Variants in FAM117B observed in about 807,000 individuals in gnomAD.
FAM117B encodes protein FAM117B.
In FAM117B, 22 loss-of-function variants were observed where a neutral mutation model predicts 52.8. The ratio of observed to expected loss-of-function variants is 0.42; its 90% CI spans 0.30 to 0.59. FAM117B has a LOEUF of 0.59. Ranked by LOEUF, FAM117B falls within the 20% of genes least tolerant of loss-of-function variation. FAM117B has a pLI of 0.22. For missense variants in FAM117B, 678 were observed against 802.6 expected (o/e 0.84, Z 1.88); for synonymous variants, 309 against 324.1 (o/e 0.95, Z 0.50).
chr2:202,714,228 A>G (rs1691001944), intron 2 of FAM117B, among the ~76,000 whole-genome samples: 1 of 152,190 alleles, frequency 6.6e-6, no homozygotes, highest in Non-Finnish European at 1.5e-5. Context: ...GTGACCTAAC[A>G]TAGTCTGTCC....
At chr2:202,715,209 T>C (rs1479028647) in intron 2 of FAM117B, among the ~76,000 whole-genome samples, 1 of 147,478 alleles carries the variant, frequency 6.8e-6, no homozygotes, top group Non-Finnish European at 1.5e-5. Flanking sequence ...GGGCGGGGGC[T>C]GACCCCACAC....
At chr2:202,702,164 G>T (rs1289042678) in intron 2 of FAM117B, among the ~76,000 whole-genome samples, 3 of 152,120 alleles carry the variant, frequency 2.0e-5, no homozygotes, top group Non-Finnish European at 2.9e-5. Flanking sequence ...AGGACGAGGT[G>T]GGCAGGTCAT....
intron 1 of FAM117B, among the ~76,000 whole-genome samples, chr2:202,674,181 C>T (rs1366044743): frequency 2.0e-5 from 3 of 152,158 alleles, no homozygotes; most frequent in South Asian, 4.1e-4. Flanking sequence ...ACTCTTAAAT[C>T]CATACTAATG....
At chr2:202,645,191 G>A (rs1689841023) in intron 1 of FAM117B, among the ~76,000 whole-genome samples, 2 of 151,846 alleles carry the variant, frequency 1.3e-5, no homozygotes, top group Non-Finnish European at 2.9e-5. Context: ...TGCCCAGGCT[G>A]GTCTGGAACT....
intron 1 of FAM117B, among the ~76,000 whole-genome samples, chr2:202,661,386 G>A (rs1255495413): frequency 6.6e-6 from 1 of 152,142 alleles, no homozygotes; most frequent in Non-Finnish European, 1.5e-5. Context: ...AACAATTATA[G>A]TAAAACTGTT....
chr2:202,721,494 C>T (rs1483025768), intron 2 of FAM117B, among the ~76,000 whole-genome samples: 2 of 151,984 alleles, frequency 1.3e-5, no homozygotes, highest in African/African-American at 4.8e-5. Context: ...AAATAAGTTA[C>T]GACTACTTGG....
chr2:202,740,200 A>AAAAAAAAAAAAC (rs1691509405), intron 4 of FAM117B, among the ~76,000 whole-genome samples: 1 of 147,568 alleles, frequency 6.8e-6, no homozygotes, highest in African/African-American at 2.5e-5. Flanking sequence ...AAAAAAAAAA[A>AAAAAAAAAAAAC]AATCCCCAAA....
intron 1 of FAM117B, among the ~76,000 whole-genome samples, chr2:202,668,229 ATATT>A (rs1559098163): frequency 2.1e-5 from 3 of 145,578 alleles, no homozygotes; most frequent in African/African-American, 7.5e-5. Flanking sequence ...AATATAATAT[ATATT>A]AATATTTATA....
At chr2:202,699,390 T>TTG (rs1690761397) in intron 2 of FAM117B, among the ~76,000 whole-genome samples, 1 of 112,240 alleles carries the variant, frequency 8.9e-6, no homozygotes, top group Non-Finnish European at 1.6e-5. Context: ...TCGTGCCACC[T>TTG]CACTCCAGCC....
chr2:202,703,271 C>T (rs1690822163), intron 2 of FAM117B, among the ~76,000 whole-genome samples: 1 of 152,186 alleles, frequency 6.6e-6, no homozygotes. Flanking sequence ...TGGAATCATA[C>T]AGTTTGTTTT....
chr2:202,681,832 A>G (rs1295609471), intron 1 of FAM117B, among the ~76,000 whole-genome samples: 1 of 152,246 alleles, frequency 6.6e-6, no homozygotes, highest in Non-Finnish European at 1.5e-5. Context: ...TCAAACTGAA[A>G]AAGCCTGGTA....
At chr2:202,648,204 T>C (rs1385485649) in intron 1 of FAM117B, among the ~76,000 whole-genome samples, 1 of 152,188 alleles carries the variant, frequency 6.6e-6, no homozygotes, top group Non-Finnish European at 1.5e-5. Context: ...CTATTCTATG[T>C]ATATTCAGAT....
chr2:202,765,158 A>G (rs560568591), intron 7 of FAM117B, among the ~76,000 whole-genome samples: 1 of 152,292 alleles, frequency 6.6e-6, no homozygotes, highest in East Asian at 1.9e-4. Flanking sequence ...TGCAGTGCTC[A>G]TCGGGCTGAG....
chr2:202,691,469 C>G (rs1170861085), intron 1 of FAM117B, among the ~76,000 whole-genome samples: 2 of 148,264 alleles, frequency 1.3e-5, no homozygotes, highest in Non-Finnish European at 3.0e-5. Flanking sequence ...CTTTGGCGGA[C>G]TGGTTGAAAA....
In FAM117B at chr2:202,750,256, A is replaced by T. The variant is rs1691702592; in HGVS notation, c.961-5282A>T. On this transcript the variant is annotated intron_variant, in intron 4 of 7. Transcript: ENST00000392238. ...GTGGGCACAGTGGCTCATGTTTGTA[A>T]TGTCAGCACTTTGAGAGGCTGAGGC... Among the ~76,000 whole-genome samples, 3 of 152,128 alleles carry T rather than the reference A, an allele frequency of 2.0e-5. No individual in the cohort carries two copies. The South Asian group carries it at 6.2e-4, about 32-fold the overall frequency.
chr2:202,727,156 T>G (rs1215421286), intron 4 of FAM117B, among the ~76,000 whole-genome samples: 1 of 152,124 alleles, frequency 6.6e-6, no homozygotes, highest in Non-Finnish European at 1.5e-5. Context: ...GTTCCAGAAT[T>G]GAAGCTTTGG....
intron 4 of FAM117B, among the ~76,000 whole-genome samples, chr2:202,738,701 AT>A (rs1203334063): frequency 7.9e-5 from 12 of 152,172 alleles, no homozygotes; most frequent in African/African-American, 2.9e-4. Context: ...GTGACCCTAG[AT>A]TATTAGCTTC....
Position 202,695,936 on chromosome 2 carries a change from C to G in FAM117B, c.657C>G (p.Ser219=). The G allele has an allele frequency of 6.2e-7, 1 of 1,614,016 alleles. No homozygotes were observed. The change falls in exon 2 of 8, where the codon TCC becomes TCG. Residue 219 remains serine (S), a synonymous_variant. Coordinates refer to ENST00000392238, the MANE Select transcript of FAM117B (RefSeq NM_173511.4). ...SSPSSIIRRT[S]SLDTLAAPYL... The stretch of plus-strand genomic sequence containing the variant: ...CCTCCAGTATTATCCGACGCACTTC[C>G]TCCCTGGATACTCTTGCTGCACCGT...
chr2:202,697,008 G>A (rs1262489964), intron 2 of FAM117B, among the ~76,000 whole-genome samples: 4 of 152,166 alleles, frequency 2.6e-5, no homozygotes, highest in African/African-American at 9.7e-5. Flanking sequence ...GGTCAAGGCT[G>A]CAGTGAGCAG....
Sources: allele counts gnomAD v4.1 joint callset (sites outside exome capture counted in the v4.1 genomes callset), GRCh38; gene constraint gnomAD v4.1.1; transcripts MANE v1.5; gene names NCBI Gene and HGNC (gene_info 2026-07-23, HGNC 2026-07-21).